PTGFRN: variants seen among roughly 807,000 people sequenced by gnomAD.
The protein encoded by PTGFRN is prostaglandin F2 receptor negative regulator.
A neutral mutation model predicts 83.2 loss-of-function variants in PTGFRN; 35 were observed. That is an observed-to-expected ratio of 0.42 (90% CI 0.32 to 0.56). PTGFRN has a LOEUF of 0.56. Ranked by LOEUF, PTGFRN falls within the 20% of genes least tolerant of loss-of-function variation. The pLI is 0.11. For missense variants in PTGFRN, 1,051 were observed against 1,179.5 expected (o/e 0.89, Z 1.60); for synonymous variants, 519 against 498.6 (o/e 1.04, Z -0.55).
intron 1 of PTGFRN, 73 bp downstream of exon 1, chr1:116,910,325 G>A (rs1649233990): frequency 2.5e-6 from 3 of 1,212,640 alleles, no homozygotes; most frequent in Non-Finnish European, 3.1e-6. Context: ...GGGCGCGGCT[G>A]CAGCGCGCGG....
At chr1:116,929,008 C>T (rs1419059425) in intron 1 of PTGFRN, among the ~76,000 whole-genome samples, 1 of 152,144 alleles carries the variant, frequency 6.6e-6, no homozygotes. Context: ...CTGCCTACTC[C>T]ACTGCACTTC....
chr1:116,940,375 C>G (rs1427964335), intron 1 of PTGFRN, among the ~76,000 whole-genome samples: 1 of 152,146 alleles, frequency 6.6e-6, no homozygotes, highest in East Asian at 1.9e-4. Context: ...GTGGCTTTCT[C>G]CCTGTGGGCA....
rs1650061400 is a variant in PTGFRN at position 116,941,575 on chromosome 1, G to A, written c.50-140G>A. 8 of 1,188,852 alleles carry A rather than the reference G, an allele frequency of 6.7e-6. No individual in the cohort carries two copies. The highest frequency in any genetic ancestry group is 9.4e-6 in the Non-Finnish European group (8 of 852,446). The allele number at this position is 1,188,852 out of a possible 1,614,324, so 73.6% of individuals were successfully genotyped here. On this transcript the variant is annotated intron_variant, in intron 1 of 8. Coordinates refer to ENST00000393203, the MANE Select transcript of PTGFRN (RefSeq NM_020440.4). This position sits in a 1 kb window ranked among gnomAD's most constrained non-coding sequence, Gnocchi z 5.0. Reference sequence around the variant, plus strand: ...ATTTAAGGGTTAGGCTTAACCTTCTGCATAGATACATTTTCCCTAGTAGTT... The same window carrying A: ...ATTTAAGGGTTAGGCTTAACCTTCTACATAGATACATTTTCCCTAGTAGTT...
At chr1:116,942,911 T>G (rs1650095837) in intron 2 of PTGFRN, among the ~76,000 whole-genome samples, 2 of 152,256 alleles carry the variant, frequency 1.3e-5, no homozygotes, top group Non-Finnish European at 2.9e-5. Context: ...CATAGGTTAA[T>G]TACTTTCCTA....
rs897830152 is a variant in PTGFRN, at chr1:116,961,753, C to T, written c.1639+85C>T. 6 of 1,271,498 alleles carry T rather than the reference C, an allele frequency of 4.7e-6. No homozygotes were observed. In the Admixed American group the frequency reaches 1.2e-4, roughly 26 times the overall value. The allele number at this position is 1,271,498 out of a possible 1,614,324, so 78.8% of individuals were successfully genotyped here. On this transcript the variant is annotated intron_variant, in intron 5 of 8. Coordinates refer to ENST00000393203, the MANE Select transcript of PTGFRN (RefSeq NM_020440.4). This position sits in a 1 kb window ranked among gnomAD's most constrained non-coding sequence, Gnocchi z 5.4. Reference sequence around the variant, plus strand: ...TGTGTTGATGCACAGTCACCCTCTGCAGGTTATCACTTACACTAGGAATGT... The same window carrying T: ...TGTGTTGATGCACAGTCACCCTCTGTAGGTTATCACTTACACTAGGAATGT...
At chr1:116,968,573 T>A (rs1328129728) in intron 6 of PTGFRN, among the ~76,000 whole-genome samples, 1 of 152,118 alleles carries the variant, frequency 6.6e-6, no homozygotes, top group African/African-American at 2.4e-5. Context: ...ACTATAAAAT[T>A]TACTATATAT....
At chr1:116,935,096 T>TAC (rs1430406838) in intron 1 of PTGFRN, among the ~76,000 whole-genome samples, 1 of 152,218 alleles carries the variant, frequency 6.6e-6, no homozygotes, top group African/African-American at 2.4e-5. Context: ...CTCAGCCACT[T>TAC]ACCACCTCCC....
chr1:116,917,917 T>C (rs1649443921), intron 1 of PTGFRN, among the ~76,000 whole-genome samples: 1 of 152,158 alleles, frequency 6.6e-6, no homozygotes, highest in South Asian at 2.1e-4. Context: ...GGCCTGTATG[T>C]TCCCTTTCTT....
At chr1:116,945,228 G>A (rs1650167653) in intron 3 of PTGFRN, 136 bp downstream of exon 3, 2 of 1,128,198 alleles carry the variant, frequency 1.8e-6, no homozygotes, top group African/African-American at 1.6e-5. Context: ...TATTTTTAGG[G>A]GTGAAGGGAG....
chr1:116,931,524 C>T (rs2491114), intron 1 of PTGFRN, among the ~76,000 whole-genome samples: 21,885 of 149,050 alleles, frequency 0.15, 2,796 homozygotes, highest in African/African-American at 0.35. Context: ...TGATTATAAG[C>T]ACTGTTCTAG....
chr1:116,942,093 T>TCA lies in PTGFRN; in HGVS notation c.418+13_418+14dup, dbSNP rs762102453. 2 of 1,597,886 alleles carry TCA rather than the reference T, an allele frequency of 1.3e-6. No homozygotes were observed. The highest frequency in any genetic ancestry group is 1.7e-6 in the Non-Finnish European group (2 of 1,168,930). ...ACAGTGCAGGTTAAAGGTACAGTCC[T>TCA]CACATGGGCTTGTTATGCCAGGGGC... On this transcript the variant is annotated intron_variant, in intron 2 of 8. Coordinates refer to ENST00000393203, the MANE Select transcript of PTGFRN (RefSeq NM_020440.4).
intron 1 of PTGFRN, among the ~76,000 whole-genome samples, chr1:116,925,624 G>A (rs1488171443): frequency 3.3e-5 from 5 of 152,114 alleles, no homozygotes; most frequent in Non-Finnish European, 5.9e-5. Context: ...CATCATAGAT[G>A]AATTTGTCTG....
At chr1:116,960,286 A>G (rs1364913767) in intron 4 of PTGFRN, among the ~76,000 whole-genome samples, 1 of 152,202 alleles carries the variant, frequency 6.6e-6, no homozygotes, top group Non-Finnish European at 1.5e-5. Context: ...ACCTCGAGTA[A>G]TCAGGTGTAG....
chr1:116,928,713 A>T (rs1235408613), intron 1 of PTGFRN, among the ~76,000 whole-genome samples: 1 of 152,084 alleles, frequency 6.6e-6, no homozygotes, highest in African/African-American at 2.4e-5. Context: ...CTTTGTCAGG[A>T]TCTTTAGCAT....
At chr1:116,974,116 A>T in intron 6 of PTGFRN, 100 bp from the exon 7 acceptor site, 1 of 886,390 alleles carries the variant, frequency 1.1e-6, no homozygotes, top group South Asian at 1.6e-5. Flanking sequence ...ACCAGTTCCC[A>T]GGGAAGAGAA....
chr1:116,949,515 T>C lies in PTGFRN; in HGVS notation c.1156T>C (p.Trp386Arg). The C allele has an allele frequency of 6.2e-7, 1 of 1,614,150 alleles. No individual in the cohort carries two copies. Among genetic ancestry groups the C allele is most frequent in the East Asian group, 2.2e-5 (1 of 44,884 alleles). ...SLWAPGHNRS[W>R]HKVAEAVSSP... ...GTGGGCACCCGGACACAACAGGAGC[T>C]GGCACAAAGTGGCAGAGGCCGTGTC... is the stretch of plus-strand genomic sequence containing the variant. Residue 386 changes from tryptophan (W) to arginine (R), a missense_variant, in exon 4 of 9, where the codon TGG (tryptophan) becomes CGG (arginine). Around this residue, in one of 3 missense-constraint regions of PTGFRN, gnomAD observed 719 missense variants for 836.6 expected, o/e 0.86. Coordinates refer to ENST00000393203, the MANE Select transcript of PTGFRN (RefSeq NM_020440.4).
In PTGFRN at chr1:116,987,059, T is replaced by G. The variant is rs985467107; in HGVS notation, c.*92T>G. On this transcript the variant is annotated 3_prime_UTR_variant, in exon 9 of 9. Coordinates refer to ENST00000393203, the MANE Select transcript of PTGFRN (RefSeq NM_020440.4). ...TATTTTAAAACAAAGTGTGTTACACTAAAAACCAGTCCTCTCTAATCTCAG... is the reference window on the plus strand; with the variant it reads ...TATTTTAAAACAAAGTGTGTTACACGAAAAACCAGTCCTCTCTAATCTCAG... 4.1e-6 allele frequency: 6 copies of G among 1,457,858 alleles called. No individual in the cohort carries two copies. The Middle Eastern group carries it at 7.2e-4, about 176-fold the overall frequency. The allele number at this position is 1,457,858 out of a possible 1,614,324, so 90.3% of individuals were successfully genotyped here.
intron 7 of PTGFRN, among the ~76,000 whole-genome samples, chr1:116,981,430 G>A (rs945371019): frequency 1.3e-5 from 2 of 152,318 alleles, no homozygotes; most frequent in African/African-American, 4.8e-5. Flanking sequence ...ACTGCTGGAA[G>A]TGTGTCCCTG....
intron 7 of PTGFRN, among the ~76,000 whole-genome samples, chr1:116,977,286 C>T (rs548661820): frequency 1.3e-5 from 2 of 152,128 alleles, no homozygotes; most frequent in Non-Finnish European, 2.9e-5. Flanking sequence ...GACTTTAACA[C>T]CCCACTGTCA....
Sources: gnomAD v4.1 joint callset for allele counts (sites outside exome capture counted in the v4.1 genomes callset) on GRCh38, gnomAD v4.1.1 for gene constraint, gnomAD v4.1.1 regional missense constraint, Gnocchi (gnomAD v3.1) non-coding constraint, MANE v1.5 for transcripts, NCBI Gene and HGNC (gene_info 2026-07-23, HGNC 2026-07-21) for gene names.